SLC25A47: variants seen among roughly 807,000 people sequenced by gnomAD.
The protein encoded by SLC25A47 is solute carrier family 25 member 47.
In SLC25A47, 30 loss-of-function variants were observed where a neutral mutation model predicts 29.8. The observed-to-expected ratio is 1.01, with a 90% CI of 0.75 to 1.36. The LOEUF (loss-of-function observed/expected upper bound fraction) is 1.36. SLC25A47 is among the 40% of genes most tolerant of loss of function. The pLI is 0.00. For synonymous variants in SLC25A47, 204 were observed against 197.8 expected, an observed-to-expected ratio of 1.03 and a Z score of -0.26; for missense variants, 430 against 441.9, an observed-to-expected ratio of 0.97 and a Z score of 0.24.
intron 4 of SLC25A47, among the ~76,000 whole-genome samples, chr14:100,328,258 C>T (rs1328332289): frequency 4.6e-5 from 7 of 152,132 alleles, no homozygotes; most frequent in East Asian, 3.9e-4. Context: ...ACTACAGGCA[C>T]GCGCCACCAA....
intron 1 of SLC25A47, among the ~76,000 whole-genome samples, chr14:100,323,864 C>T (rs998711852): frequency 4.6e-5 from 7 of 152,052 alleles, no homozygotes; most frequent in Non-Finnish European, 8.8e-5. Flanking sequence ...CTGGAAGGGG[C>T]GGGCAGAGGA....
Position 100,329,471 on chromosome 14 carries a change from C to T in SLC25A47, c.753C>T (p.Gly251=). 1 of 1,613,428 alleles carries T rather than the reference C, an allele frequency of 6.2e-7. No individual in the cohort carries two copies. The highest frequency in any genetic ancestry group is 1.7e-5 in the Admixed American group (1 of 60,018). Reference sequence around the variant, plus strand: ...CGAGACTGCAGGCAGACGGGCAGGGCCAGAGGCGCTACCGGGGTCTCCTGC... The same window carrying T: ...CGAGACTGCAGGCAGACGGGCAGGGTCAGAGGCGCTACCGGGGTCTCCTGC... ...IKSRLQADGQ[G]QRRYRGLLHC... Residue 251 remains glycine (G), a synonymous_variant, in exon 6 of 6, where the codon GGC becomes GGT. Coordinates refer to ENST00000361529, the MANE Select transcript of SLC25A47 (RefSeq NM_207117.4).
chr14:100,329,932 G>T lies in SLC25A47; in HGVS notation c.*287G>T. ...AGCGTTGAGTTGCATGGAGTCGGTTGTTCATCCCAGCCTCCCCATGGCCCT... is the reference window on the plus strand; with the variant it reads ...AGCGTTGAGTTGCATGGAGTCGGTTTTTCATCCCAGCCTCCCCATGGCCCT... On this transcript the variant is annotated 3_prime_UTR_variant, in exon 6 of 6. Transcript: ENST00000361529. 2.1e-6 allele frequency: 1 copy of T among 477,658 alleles called. No homozygotes were observed. The highest frequency in any genetic ancestry group is 2.5e-5 in the South Asian group (1 of 39,546). 29.6% of individuals were successfully genotyped at this position (477,658 alleles called of 1,614,324 possible). A position where few individuals can be genotyped will look rare whatever the true frequency, so the allele number is the denominator to read the frequency against.
chr14:100,325,936 A>G, intron 2 of SLC25A47, 105 bp downstream of exon 2: 1 of 1,254,660 alleles, frequency 8.0e-7, no homozygotes, highest in African/African-American at 1.5e-5. Flanking sequence ...TCCTACCCAA[A>G]TGCCTTCAAT....
intron 4 of SLC25A47, among the ~76,000 whole-genome samples, chr14:100,328,465 T>C (rs1595389946): frequency 6.6e-6 from 1 of 152,228 alleles, no homozygotes; most frequent in Admixed American, 6.5e-5. Context: ...ACCTGGGTCA[T>C]GGAAATTATC....
chr14:100,324,830 A>C (rs1893308679), intron 1 of SLC25A47, among the ~76,000 whole-genome samples: 1 of 152,326 alleles, frequency 6.6e-6, no homozygotes, highest in South Asian at 2.1e-4. Flanking sequence ...GCACAGAGGC[A>C]GCCCAGAGTA....
intron 1 of SLC25A47, among the ~76,000 whole-genome samples, chr14:100,324,381 T>C (rs1893301435): frequency 6.6e-6 from 1 of 152,142 alleles, no homozygotes. Flanking sequence ...TGCACCACAA[T>C]GTCTGGCTAA....
chr14:100,328,716 T>C lies in SLC25A47; in HGVS notation c.328-10T>C. ...CAGGTGGCTGACCCCTGCTTCCTTC[T>C]CTGCTCCAGGTGTTCCTGACGTCGC... On this transcript the variant is annotated splice_polypyrimidine_tract_variant and intron_variant, in intron 4 of 5. Transcript: ENST00000361529. 1 of 1,612,866 alleles carries C rather than the reference T, an allele frequency of 6.2e-7. No individual in the cohort carries two copies. Among genetic ancestry groups the C allele is most frequent in the Middle Eastern group, 1.7e-4 (1 of 6,046 alleles).
intron 3 of SLC25A47, among the ~76,000 whole-genome samples, chr14:100,326,890 C>T (rs1242803849): frequency 6.6e-6 from 1 of 152,126 alleles, no homozygotes; most frequent in Non-Finnish European, 1.5e-5. Flanking sequence ...AGGAGAATCG[C>T]TTGAACCTGG....
intron 5 of SLC25A47, 38 bp from the exon 6 acceptor site, chr14:100,329,327 A>G (rs996014199): frequency 3.2e-6 from 5 of 1,552,670 alleles, no homozygotes; most frequent in Non-Finnish European, 4.3e-6. Flanking sequence ...GGGCGCCCCG[A>G]TCAGGCTCCC....
Position 100,325,489 on chromosome 14 carries a change from G to A in SLC25A47, c.29-299G>A, listed in dbSNP as rs1239226082. Among the ~76,000 whole-genome samples, 5 of 152,220 alleles carry A rather than the reference G, an allele frequency of 3.3e-5. No individual in the cohort carries two copies. The East Asian group carries it at 5.8e-4, about 18-fold the overall frequency. ...AGAGCATGACGCCCGTGGGGAGGCC[G>A]GGGCATGTCGGCATGTCTTTGGCCC... On this transcript the variant is annotated intron_variant, in intron 1 of 5. Coordinates refer to ENST00000361529, the MANE Select transcript of SLC25A47 (RefSeq NM_207117.4).
intron 1 of SLC25A47, among the ~76,000 whole-genome samples, chr14:100,325,381 C>A (rs1893317427): frequency 6.6e-6 from 1 of 152,234 alleles, no homozygotes; most frequent in African/African-American, 2.4e-5. Context: ...CACAGGCAAA[C>A]CCTCCATGGG....
At position 100,330,358 on chromosome 14, in the gene SLC25A47, A is replaced by T. The variant is rs1331454221; in HGVS notation, c.*713A>T. 6.5e-6 allele frequency: 1 copy of T among 152,812 alleles called. No individual in the cohort carries two copies. Among genetic ancestry groups the T allele is most frequent in the African/African-American group, 2.4e-5 (1 of 41,466 alleles). The allele number at this position is 152,812 out of a possible 1,614,324, so 9.5% of individuals were successfully genotyped here. A position where few individuals can be genotyped will look rare whatever the true frequency, so the allele number is the denominator to read the frequency against. ...ACTCTGTTGGGAACTGTTGTCAATA[A>T]AATGTTTCTGAGGATGTTCAGGGCT... On this transcript the variant is annotated 3_prime_UTR_variant, in exon 6 of 6. Transcript: ENST00000361529.
rs1176484800 is a variant in SLC25A47 at position 100,323,383 on chromosome 14, CAG to C, written c.-30_-29del. ...TGGCACCAAAGCCCTCTCAGGCAGG[CAG>C]ACCCAGGGCCTCCCCGCCACACCTT... On this transcript the variant is annotated 5_prime_UTR_variant, in exon 1 of 6. Transcript: ENST00000361529. The C allele has an allele frequency of 1.2e-6, 2 of 1,611,950 alleles. No homozygotes were observed. Among genetic ancestry groups the C allele is most frequent in the African/African-American group, 2.7e-5 (2 of 74,934 alleles).
chr14:100,326,750 G>A (rs1893346079), intron 3 of SLC25A47, among the ~76,000 whole-genome samples: 1 of 152,194 alleles, frequency 6.6e-6, no homozygotes, highest in African/African-American at 2.4e-5. Flanking sequence ...GAAGCAGGCA[G>A]ATCACCTGTG....
chr14:100,324,035 C>T (rs950492242), intron 1 of SLC25A47, among the ~76,000 whole-genome samples: 1 of 152,064 alleles, frequency 6.6e-6, no homozygotes, highest in East Asian at 1.9e-4. Context: ...GATAACCAGG[C>T]CCTGGGACAC....
intron 1 of SLC25A47, among the ~76,000 whole-genome samples, chr14:100,325,488 C>T (rs575056200): frequency 2.6e-5 from 4 of 152,268 alleles, no homozygotes; most frequent in Non-Finnish European, 4.4e-5. Flanking sequence ...GTGGGGAGGC[C>T]GGGGCATGTC....
At position 100,323,441 on chromosome 14, in the gene SLC25A47, A is replaced by C. The variant is rs762251537; in HGVS notation, c.27A>C (p.Gly9=). 5 of 1,613,742 alleles carry C rather than the reference A, an allele frequency of 3.1e-6. No homozygotes were observed. The highest frequency in any genetic ancestry group is 3.4e-6 in the Non-Finnish European group (4 of 1,179,858). The stretch of plus-strand genomic sequence containing the variant: ...TGGATTTTGTCGCTGGAGCCATCGG[A>C]GGTAACAGACAGGATGGTGGGCTGT... MDFVAGAI[G]GVCGVAVGYP... The change falls in exon 1 of 6, where the codon GGA becomes GGC. Residue 9 remains glycine (G), a splice_region_variant and synonymous_variant. Coordinates refer to ENST00000361529, the MANE Select transcript of SLC25A47 (RefSeq NM_207117.4).
At chr14:100,327,138 G>A in intron 3 of SLC25A47, 50 bp from the exon 4 acceptor site, 4 of 1,532,234 alleles carry the variant, frequency 2.6e-6, no homozygotes, top group Non-Finnish European at 3.5e-6. Flanking sequence ...TCCCTCGGGT[G>A]GCTCCTCCTC....
Sources: allele counts gnomAD v4.1 joint callset (sites outside exome capture counted in the v4.1 genomes callset), GRCh38; gene constraint gnomAD v4.1.1; transcripts MANE v1.5; gene names NCBI Gene and HGNC (gene_info 2026-07-23, HGNC 2026-07-21).